The following AFG1L variants were observed in gnomAD, a reference collection of about 807,000 sequenced individuals.
AFG1L encodes AFG1 like ATPase.
In AFG1L, 53 loss-of-function variants were observed where a neutral mutation model predicts 62.2. That is an observed-to-expected ratio of 0.85 (90% CI 0.68 to 1.07). AFG1L has a LOEUF of 1.07. Among genes scored for constraint, AFG1L ranks in the 50% least tolerant of loss-of-function variants. The pLI, the probability that AFG1L is intolerant of heterozygous loss-of-function variation, is 0.00. For missense variants in AFG1L, 555 were observed against 590.5 expected (o/e 0.94, Z 0.62); for synonymous variants, 228 against 210.3 (o/e 1.08, Z -0.73).
intron 10 of AFG1L, among the ~76,000 whole-genome samples, chr6:108,480,992 A>G (rs1288006612): frequency 1.3e-5 from 2 of 152,144 alleles, no homozygotes; most frequent in African/African-American, 4.8e-5. Context: ...GTGTTGGCAT[A>G]CCCACTGGGA....
At chr6:108,376,942 G>A (rs1388216245) in intron 6 of AFG1L, among the ~76,000 whole-genome samples, 1 of 152,038 alleles carries the variant, frequency 6.6e-6, no homozygotes, top group African/African-American at 2.4e-5. Flanking sequence ...TATATATTTA[G>A]GATAGTTAAC....
intron 6 of AFG1L, among the ~76,000 whole-genome samples, chr6:108,395,455 G>T (rs1321957318): frequency 1.7e-4 from 23 of 136,858 alleles, no homozygotes; most frequent in Admixed American, 1.5e-3. Flanking sequence ...AGGCTGGAGT[G>T]CAGTGGCACT....
At chr6:108,402,335 C>T (rs1310696633) in intron 7 of AFG1L, among the ~76,000 whole-genome samples, 2 of 105,310 alleles carry the variant, frequency 1.9e-5, no homozygotes, top group African/African-American at 1.1e-4. Flanking sequence ...TGGTGGCATG[C>T]ACCTGTAATC....
chr6:108,395,439 G>A (rs1170460567), intron 6 of AFG1L, among the ~76,000 whole-genome samples: 2 of 118,170 alleles, frequency 1.7e-5, no homozygotes, highest in African/African-American at 6.7e-5. Context: ...GTCTCACTCT[G>A]CACCCAGGCT....
chr6:108,437,205 A>G (rs1391263870), intron 7 of AFG1L, among the ~76,000 whole-genome samples: 4 of 152,160 alleles, frequency 2.6e-5, no homozygotes, highest in Non-Finnish European at 4.4e-5. Context: ...AAATATTTAG[A>G]CCATAGCAGA....
chr6:108,509,382 T>C (rs2114895338), intron 10 of AFG1L, among the ~76,000 whole-genome samples: 1 of 152,352 alleles, frequency 6.6e-6, no homozygotes, highest in East Asian at 1.9e-4. Context: ...AGTGTTGGAC[T>C]TGAATAATTG....
At chr6:108,359,226 C>T (rs1779426296) in intron 5 of AFG1L, 1 of 152,092 alleles carries the variant, frequency 6.6e-6, no homozygotes, top group Admixed American at 6.5e-5. Flanking sequence ...CTACCAAAAA[C>T]CTGCCTGGTT....
chr6:108,519,903 G>A, intron 12 of AFG1L, 93 bp downstream of exon 12: 1 of 701,500 alleles, frequency 1.4e-6, no homozygotes, highest in Non-Finnish European at 2.4e-6. Context: ...GAAATGCAGT[G>A]TATAGTTAAC....
intron 8 of AFG1L, among the ~76,000 whole-genome samples, chr6:108,458,457 A>C (rs183097610): frequency 5.5e-4 from 84 of 152,068 alleles, no homozygotes; most frequent in Middle Eastern, 6.8e-3. Flanking sequence ...TCCTTTTTAA[A>C]AGCTAAACTT....
intron 11 of AFG1L, among the ~76,000 whole-genome samples, 197 bp downstream of exon 11, chr6:108,510,549 T>C (rs1222392045): frequency 6.6e-6 from 1 of 152,198 alleles, no homozygotes; most frequent in Non-Finnish European, 1.5e-5. Context: ...GGCAAATCCA[T>C]GTAAAGCATT....
At chr6:108,298,818 G>C (rs1478707953) in intron 1 of AFG1L, among the ~76,000 whole-genome samples, 1 of 152,202 alleles carries the variant, frequency 6.6e-6, no homozygotes, top group Non-Finnish European at 1.5e-5. Flanking sequence ...GAAATGCCTG[G>C]ATGGGAGAAT....
intron 1 of AFG1L, among the ~76,000 whole-genome samples, chr6:108,314,423 G>A (rs1777516769): frequency 6.8e-6 from 1 of 146,066 alleles, no homozygotes; most frequent in Non-Finnish European, 1.5e-5. Flanking sequence ...AAGAGATAGA[G>A]TCTCGCTCTG....
At chr6:108,480,979 T>A (rs996483024) in intron 10 of AFG1L, among the ~76,000 whole-genome samples, 2 of 152,192 alleles carry the variant, frequency 1.3e-5, no homozygotes, top group Admixed American at 6.5e-5. Context: ...GCCCAACTCA[T>A]GTGTGTTGGC....
chr6:108,500,408 ATC>A (rs1774148369), intron 10 of AFG1L, among the ~76,000 whole-genome samples: 1 of 152,352 alleles, frequency 6.6e-6, no homozygotes, highest in East Asian at 1.9e-4. Context: ...CTGCCAAATC[ATC>A]TTATATAACC....
intron 10 of AFG1L, among the ~76,000 whole-genome samples, chr6:108,493,649 A>G (rs1773852901): frequency 6.6e-6 from 1 of 152,218 alleles, no homozygotes. Context: ...ATACCAGGTA[A>G]TTAGCAAGGT....
At chr6:108,441,670 G>A (rs1771550895) in intron 7 of AFG1L, among the ~76,000 whole-genome samples, 1 of 148,024 alleles carries the variant, frequency 6.8e-6, no homozygotes, top group Non-Finnish European at 1.5e-5. Context: ...TCTAGCGTAA[G>A]TGAATGAAAT....
chr6:108,495,104 T>G (rs973012238), intron 10 of AFG1L, among the ~76,000 whole-genome samples: 1 of 152,182 alleles, frequency 6.6e-6, no homozygotes, highest in Non-Finnish European at 1.5e-5. Context: ...ATTTATTATT[T>G]TGGAATCTGG....
At chr6:108,460,094 A>G (rs1312331914) in intron 8 of AFG1L, among the ~76,000 whole-genome samples, 1 of 152,166 alleles carries the variant, frequency 6.6e-6, no homozygotes, top group East Asian at 1.9e-4. Flanking sequence ...CAGCGCAATA[A>G]AAAATGCAAA....
At chr6:108,428,090 T>A (rs930955855) in intron 7 of AFG1L, among the ~76,000 whole-genome samples, 2 of 152,166 alleles carry the variant, frequency 1.3e-5, no homozygotes, top group East Asian at 3.9e-4. Flanking sequence ...TTTTTTATAC[T>A]CACCCCTCTA....
Sources: gnomAD v4.1 joint callset for allele counts (sites outside exome capture counted in the v4.1 genomes callset) on GRCh38, gnomAD v4.1.1 for gene constraint, MANE v1.5 for transcripts, NCBI Gene and HGNC (gene_info 2026-07-23, HGNC 2026-07-21) for gene names.